CNTN5: variants seen among roughly 807,000 people sequenced by gnomAD.
CNTN5 encodes contactin-5.
CNTN5 carries 77 observed loss-of-function variants against 129.1 expected under a neutral mutation model. The observed-to-expected ratio is 0.60, with a 90% confidence interval of 0.50 to 0.72. The LOEUF (loss-of-function observed/expected upper bound fraction) is 0.72. Ranked by LOEUF, CNTN5 falls within the 30% of genes least tolerant of loss-of-function variation. CNTN5 has a pLI of 0.00. For missense variants in CNTN5, 1,478 were observed against 1,328.8 expected, an observed-to-expected ratio of 1.11 and a Z score of -1.75; for synonymous variants, 509 against 465.6, an observed-to-expected ratio of 1.09 and a Z score of -1.20.
intron 1 of CNTN5, among the ~76,000 whole-genome samples, chr11:99,075,643 T>C (rs1415996686): frequency 6.6e-6 from 1 of 152,220 alleles, no homozygotes; most frequent in Admixed American, 6.5e-5. Context: ...ATTATTTATT[T>C]AGCAACTTTA....
chr11:99,210,555 G>A (rs1052366979), intron 1 of CNTN5, among the ~76,000 whole-genome samples: 1 of 151,952 alleles, frequency 6.6e-6, no homozygotes, highest in Admixed American at 6.6e-5. Context: ...GTATGTTTAG[G>A]TATCTTTTAG....
chr11:100,304,055 G>T (rs1220868699), intron 20 of CNTN5, among the ~76,000 whole-genome samples: 1 of 151,494 alleles, frequency 6.6e-6, no homozygotes, highest in Non-Finnish European at 1.5e-5. Flanking sequence ...AATATTACAA[G>T]CACATACCCC....
intron 3 of CNTN5, among the ~76,000 whole-genome samples, chr11:99,571,457 G>A (rs745951960): frequency 1.3e-5 from 2 of 152,222 alleles, no homozygotes; most frequent in East Asian, 3.9e-4. Context: ...ATTCAGGGGA[G>A]GGAAACCAAA....
chr11:99,410,517 AT>A (rs376459932), intron 2 of CNTN5, among the ~76,000 whole-genome samples: 3 of 151,876 alleles, frequency 2.0e-5, no homozygotes, highest in South Asian at 2.1e-4. Flanking sequence ...TTCTAAATGT[AT>A]TTTTTTTGCA....
At chr11:99,275,484 GA>G (rs1429140758) in intron 1 of CNTN5, among the ~76,000 whole-genome samples, 2 of 151,642 alleles carry the variant, frequency 1.3e-5, no homozygotes, top group Non-Finnish European at 3.0e-5. Flanking sequence ...ACCTACCAAT[GA>G]AGTGATTATA....
intron 9 of CNTN5, among the ~76,000 whole-genome samples, chr11:100,052,031 G>A (rs1048473895): frequency 7.2e-5 from 11 of 151,908 alleles, no homozygotes; most frequent in Admixed American, 1.3e-4. Context: ...ATTATATAAC[G>A]TGGCCAACCA....
At chr11:100,224,590 C>G in intron 15 of CNTN5, 102 bp from the exon 16 acceptor site, 1 of 1,152,088 alleles carries the variant, frequency 8.7e-7, no homozygotes, top group Non-Finnish European at 1.2e-6. Context: ...ACTGTAAGGC[C>G]AAAAATGGGC....
At chr11:100,215,372 G>C (rs1435722315) in intron 15 of CNTN5, among the ~76,000 whole-genome samples, 1 of 152,154 alleles carries the variant, frequency 6.6e-6, no homozygotes, top group Non-Finnish European at 1.5e-5. Flanking sequence ...ATACCTCCCA[G>C]TAAGTCAAAT....
intron 9 of CNTN5, among the ~76,000 whole-genome samples, chr11:100,056,047 A>G (rs1591147073): frequency 6.6e-6 from 1 of 151,618 alleles, no homozygotes; most frequent in Non-Finnish European, 1.5e-5. Flanking sequence ...ATTCTCTTCA[A>G]CTATGTCTAA....
intron 15 of CNTN5, among the ~76,000 whole-genome samples, chr11:100,217,620 G>A (rs954455719): frequency 6.6e-6 from 1 of 152,106 alleles, no homozygotes; most frequent in African/African-American, 2.4e-5. Flanking sequence ...GTATTTTATG[G>A]AGCATAGACT....
At chr11:99,268,504 A>T (rs1863014869) in intron 1 of CNTN5, among the ~76,000 whole-genome samples, 1 of 151,896 alleles carries the variant, frequency 6.6e-6, no homozygotes, top group South Asian at 2.1e-4. Flanking sequence ...CAAAAAGGTC[A>T]TTATTAGTCC....
At chr11:99,732,966 G>C (rs923689138) in intron 3 of CNTN5, among the ~76,000 whole-genome samples, 1 of 152,150 alleles carries the variant, frequency 6.6e-6, no homozygotes, top group Non-Finnish European at 1.5e-5. Flanking sequence ...AAAAAAAGCA[G>C]AGGGCTCTTA....
intron 3 of CNTN5, among the ~76,000 whole-genome samples, chr11:99,615,293 T>C (rs1950724884): frequency 6.6e-6 from 1 of 152,044 alleles, no homozygotes; most frequent in Non-Finnish European, 1.5e-5. Context: ...TTTGGACTTC[T>C]CTAAACTGAC....
intron 3 of CNTN5, among the ~76,000 whole-genome samples, chr11:99,561,978 A>G (rs947293338): frequency 2.6e-5 from 4 of 152,160 alleles, no homozygotes; most frequent in Non-Finnish European, 4.4e-5. Flanking sequence ...CCTCCTTGGC[A>G]TACTAGTTAT....
At chr11:100,283,879 G>A (rs549956427) in intron 18 of CNTN5, among the ~76,000 whole-genome samples, 55 of 152,250 alleles carry the variant, frequency 3.6e-4, no homozygotes, top group Non-Finnish European at 7.4e-4. Flanking sequence ...CCAGGAGGCA[G>A]AGATTGCAGT....
intron 1 of CNTN5, among the ~76,000 whole-genome samples, chr11:99,148,713 A>G (rs1225702409): frequency 1.3e-5 from 2 of 152,168 alleles, no homozygotes; most frequent in Non-Finnish European, 2.9e-5. Context: ...TTCAAAGTAC[A>G]GAAGCAGCTT....
At chr11:100,048,327 C>G (rs1377387832) in intron 9 of CNTN5, among the ~76,000 whole-genome samples, 1 of 152,066 alleles carries the variant, frequency 6.6e-6, no homozygotes, top group Non-Finnish European at 1.5e-5. Context: ...CTTCTTTGGA[C>G]TCAGACTGGA....
chr11:100,041,823 A>G (rs1401130426), intron 9 of CNTN5, among the ~76,000 whole-genome samples: 2 of 152,222 alleles, frequency 1.3e-5, no homozygotes, highest in Non-Finnish European at 2.9e-5. Flanking sequence ...CCTAAATTAG[A>G]TTCTTTGCCT....
chr11:100,171,745 G>A (rs538108684), intron 13 of CNTN5, among the ~76,000 whole-genome samples: 2 of 151,926 alleles, frequency 1.3e-5, no homozygotes, highest in East Asian at 3.9e-4. Context: ...CTCTTTGTGA[G>A]ATCAATTTCT....
Sources: allele counts gnomAD v4.1 joint callset (sites outside exome capture counted in the v4.1 genomes callset), GRCh38; gene constraint gnomAD v4.1.1; transcripts MANE v1.5; gene names NCBI Gene and HGNC (gene_info 2026-07-23, HGNC 2026-07-21).